Variants in C17orf100 observed in about 807,000 individuals in gnomAD.
C17orf100 encodes uncharacterized protein C17orf100.
In C17orf100, 1 loss-of-function variant was observed where a neutral mutation model predicts 0.7. The ratio of observed to expected loss-of-function variants is 1.50; its 90% CI spans 0.53 to 7.13. The LOEUF (loss-of-function observed/expected upper bound fraction) is 7.13, where lower values mean the gene tolerates loss of function less well. Among genes scored for constraint, C17orf100 ranks in the 30% most tolerant of loss-of-function variants. The probability of loss-of-function intolerance (pLI) is 0.14; values close to 1 mark genes in which losing one functional copy is unlikely to be tolerated. For synonymous variants in C17orf100, 87 were observed against 84.0 expected, an observed-to-expected ratio of 1.04 and a Z score of -0.20; for missense variants, 168 against 171.5, an observed-to-expected ratio of 0.98 and a Z score of 0.11.
chr17:6,652,021 G>A lies in C17orf100; in HGVS notation c.108G>A (p.Thr36=). 6.4e-7 allele frequency: 1 copy of A among 1,556,426 alleles called. No individual in the cohort carries two copies. The highest frequency in any genetic ancestry group is 1.2e-5 in the South Asian group (1 of 84,504). The change falls in exon 1 of 1, where the codon ACG becomes ACA. Residue 36 remains threonine (T), a synonymous_variant. Coordinates refer to ENST00000542475, the MANE Select transcript of C17orf100 (RefSeq NM_001105520.2). ...AGACCTCGTCCCACCGCGTGGAGAC[G>A]TCGTCCCGGCGGGTGGAGACCTCCC... is the stretch of plus-strand genomic sequence containing the variant. ...RVETSSHRVE[T]SSRRVETSQR... is the part of the protein sequence containing the mutation.
At position 6,651,937 on chromosome 17, in the gene C17orf100, G is replaced by A. The variant is rs566183978; in HGVS notation, c.24G>A (p.Lys8=). Reference sequence around the variant, plus strand: ...GAATGGCCTCAGCCCGAGGGGCCAAGCAGTCTTCGCCCCGGGTGGGGACCA... The same window carrying A: ...GAATGGCCTCAGCCCGAGGGGCCAAACAGTCTTCGCCCCGGGTGGGGACCA... MASARGA[K]QSSPRVGTTR... The change falls in exon 1 of 1, where the codon AAG becomes AAA. Residue 8 remains lysine, a synonymous_variant. Transcript: ENST00000542475. 9.2e-4 allele frequency: 1,384 copies of A among 1,507,806 alleles called. No homozygotes were observed. Among genetic ancestry groups the A allele is most frequent in the Admixed American group, 1.5e-3 (70 of 47,410 alleles). 93.4% of individuals were successfully genotyped at this position (1,507,806 alleles called of 1,614,324 possible).
chr17:6,652,156 C>G lies in C17orf100; in HGVS notation c.243C>G (p.Thr81=), dbSNP rs985219814. 2 of 1,601,210 alleles carry G rather than the reference C, an allele frequency of 1.2e-6. No individual in the cohort carries two copies. The highest frequency in any genetic ancestry group is 1.7e-6 in the Non-Finnish European group (2 of 1,178,730). Residue 81 remains threonine (T), a synonymous_variant, in exon 1 of 1, where the codon ACC becomes ACG. Transcript: ENST00000542475. ...VESSSQRTET[T]SRHVRASSLR... is the part of the protein sequence containing the mutation. ...CCTCCTCGCAGCGCACGGAAACGAC[C>G]TCCCGCCACGTCAGAGCCTCGTCCC...
chr17:6,652,034 G>C lies in C17orf100; in HGVS notation c.121G>C (p.Val41Leu). 6.4e-7 allele frequency: 1 copy of C among 1,556,232 alleles called. No individual in the cohort carries two copies. Among genetic ancestry groups the C allele is most frequent in the South Asian group, 1.2e-5 (1 of 84,660 alleles). ...SHRVETSSRR[V>L]ETSQRRSEGP... ...CCGCGTGGAGACGTCGTCCCGGCGG[G>C]TGGAGACCTCCCAGCGCCGCAGCGA... is the stretch of plus-strand genomic sequence containing the variant. Residue 41 changes from valine (V) to leucine (L), a missense_variant, in exon 1 of 1, where the codon GTG (valine) becomes CTG (leucine). Physicochemically the swap from Val to Leu is conservative, Grantham distance 32. Coordinates refer to ENST00000542475, the MANE Select transcript of C17orf100 (RefSeq NM_001105520.2).
At position 6,652,256 on chromosome 17, in the gene C17orf100, A is replaced by T. The variant is rs756274527; in HGVS notation, c.343A>T (p.Lys115Ter). The T allele has an allele frequency of 6.2e-7, 1 of 1,611,208 alleles. No homozygotes were observed. The highest frequency in any genetic ancestry group is 2.2e-5 in the East Asian group (1 of 44,872). Residue 115 changes from lysine (K) to a stop codon, truncating the protein, a stop_gained, in exon 1 of 1, where the codon AAA (lysine) becomes TAA (stop). Coordinates refer to ENST00000542475, the MANE Select transcript of C17orf100 (RefSeq NM_001105520.2). LOFTEE classifies it high-confidence loss of function. Reference sequence around the variant, plus strand: ...CAAGCCGGCCGCCCGCCAGAACGAAAAAACGGCCCGATGAGATGCTGCTTC... The same window carrying T: ...CAAGCCGGCCGCCCGCCAGAACGAATAAACGGCCCGATGAGATGCTGCTTC... ...RAKPAARQNE[K>*]TAR
rs571052314 is a variant in C17orf100 at position 6,651,946 on chromosome 17, G to A, written c.33G>A (p.Ser11=). The A allele has an allele frequency of 4.0e-4, 614 of 1,516,960 alleles. No individual in the cohort carries two copies. Among genetic ancestry groups the A allele is most frequent in the Admixed American group, 6.6e-4 (32 of 48,266 alleles). The allele number at this position is 1,516,960 out of a possible 1,614,324, so 94.0% of individuals were successfully genotyped here. A position where few individuals can be genotyped will look rare whatever the true frequency, so the allele number is the denominator to read the frequency against. Residue 11 remains serine, a synonymous_variant, in exon 1 of 1, where the codon TCG becomes TCA. Coordinates refer to ENST00000542475, the MANE Select transcript of C17orf100 (RefSeq NM_001105520.2). MASARGAKQS[S]PRVGTTRYTE... is the part of the protein sequence containing the mutation. ...CAGCCCGAGGGGCCAAGCAGTCTTC[G>A]CCCCGGGTGGGGACCACCCGCTACA... is the stretch of plus-strand genomic sequence containing the variant.
At position 6,651,918 on chromosome 17, in the gene C17orf100, C is replaced by G; in HGVS notation, c.5C>G (p.Ala2Gly). The G allele has an allele frequency of 6.7e-7, 1 of 1,486,724 alleles. No homozygotes were observed. Among genetic ancestry groups the G allele is most frequent in the Non-Finnish European group, 9.0e-7 (1 of 1,113,704 alleles). The allele number at this position is 1,486,724 out of a possible 1,614,324, so 92.1% of individuals were successfully genotyped here. A position where few individuals can be genotyped will look rare whatever the true frequency, so the allele number is the denominator to read the frequency against. Residue 2 changes from alanine (A) to glycine (G), a missense_variant, in exon 1 of 1, where the codon GCC becomes GGC. By Grantham distance (60) the Ala-to-Gly change is moderately conservative (BLOSUM62 0). Transcript: ENST00000542475. M[A>G]SARGAKQSSP... is the part of the protein sequence containing the mutation. Reference sequence around the variant, plus strand: ...TGGCCCCCTCACGCCGGCAGAATGGCCTCAGCCCGAGGGGCCAAGCAGTCT... The same window carrying G: ...TGGCCCCCTCACGCCGGCAGAATGGGCTCAGCCCGAGGGGCCAAGCAGTCT...
chr17:6,652,462 G>T lies in C17orf100; in HGVS notation c.*192G>T. 6.8e-7 allele frequency: 1 copy of T among 1,468,388 alleles called. No individual in the cohort carries two copies. Among genetic ancestry groups the T allele is most frequent in the Non-Finnish European group, 9.0e-7 (1 of 1,109,400 alleles). 91.0% of individuals were successfully genotyped at this position (1,468,388 alleles called of 1,614,324 possible). A position where few individuals can be genotyped will look rare whatever the true frequency, so the allele number is the denominator to read the frequency against. ...ACAGCCAACGTTTACTGACCGTCCT[G>T]CGTCTTGGACCAGCCTACTTTTGAC... On this transcript the variant is annotated 3_prime_UTR_variant, in exon 1 of 1. Coordinates refer to ENST00000542475, the MANE Select transcript of C17orf100 (RefSeq NM_001105520.2).
chr17:6,652,428 T>C lies in C17orf100; in HGVS notation c.*158T>C. 1 of 1,496,520 alleles carries C rather than the reference T, an allele frequency of 6.7e-7. No homozygotes were observed. Among genetic ancestry groups the C allele is most frequent in the Non-Finnish European group, 8.9e-7 (1 of 1,122,516 alleles). The allele number at this position is 1,496,520 out of a possible 1,614,324, so 92.7% of individuals were successfully genotyped here. Reference sequence around the variant, plus strand: ...AATGTAAGAAACAGCCAAGCCGCAGTTTCTGAACACAGCCAACGTTTACTG... The same window carrying C: ...AATGTAAGAAACAGCCAAGCCGCAGCTTCTGAACACAGCCAACGTTTACTG... On this transcript the variant is annotated 3_prime_UTR_variant, in exon 1 of 1. Coordinates refer to ENST00000542475, the MANE Select transcript of C17orf100 (RefSeq NM_001105520.2).
rs776491944 is a variant in C17orf100, at chr17:6,652,211, G to C, written c.298G>C (p.Glu100Gln). 5 of 1,606,552 alleles carry C rather than the reference G, an allele frequency of 3.1e-6. No individual in the cohort carries two copies. Among genetic ancestry groups the C allele is most frequent in the Middle Eastern group, 1.6e-4 (1 of 6,082 alleles). The stretch of plus-strand genomic sequence containing the variant: ...GGTGGAGACGTCTCTGCACTGCGCG[G>C]AGAGCCCGACCCCGCGGGCCAAGCC... ...LRVETSLHCA[E>Q]SPTPRAKPAA... Residue 100 changes from glutamate (E) to glutamine (Q), a missense_variant, in exon 1 of 1, where the codon GAG becomes CAG. By Grantham distance (29) the Glu-to-Gln change is conservative (BLOSUM62 2). Coordinates refer to ENST00000542475, the MANE Select transcript of C17orf100 (RefSeq NM_001105520.2).
rs746821778 is a variant in C17orf100 at position 6,652,188 on chromosome 17, T to C, written c.275T>C (p.Val92Ala). 1 of 1,605,376 alleles carries C rather than the reference T, an allele frequency of 6.2e-7. No individual in the cohort carries two copies. Among genetic ancestry groups the C allele is most frequent in the Non-Finnish European group, 8.5e-7 (1 of 1,179,584 alleles). ...SRHVRASSLR[V>A]ETSLHCAESP... Reference sequence around the variant, plus strand: ...CACGTCAGAGCCTCGTCCCTGAGGGTGGAGACGTCTCTGCACTGCGCGGAG... The same window carrying C: ...CACGTCAGAGCCTCGTCCCTGAGGGCGGAGACGTCTCTGCACTGCGCGGAG... The change falls in exon 1 of 1, where the codon GTG becomes GCG. Residue 92 changes from valine to alanine, a missense_variant. Coordinates refer to ENST00000542475, the MANE Select transcript of C17orf100 (RefSeq NM_001105520.2).
Position 6,651,965 on chromosome 17 carries a change from C to CG in C17orf100, c.53dup (p.Tyr19LeufsTer156). ...GTCTTCGCCCCGGGTGGGGACCACC[C>CG]GCTACACAGAGACGTCCACGGTCCG... On this transcript the variant is annotated frameshift_variant, in exon 1 of 1. Transcript: ENST00000542475. LOFTEE classifies it low-confidence loss of function (END_TRUNC). 5 of 1,540,146 alleles carry CG rather than the reference C, an allele frequency of 3.2e-6. No homozygotes were observed. Among genetic ancestry groups the CG allele is most frequent in the Non-Finnish European group, 4.4e-6 (5 of 1,140,136 alleles).
At position 6,651,874 on chromosome 17, in the gene C17orf100, G is replaced by C; in HGVS notation, c.-40G>C. ...TGCCTGCGGTGACCATTGGGCTGTA[G>C]GGTGCCCCGAGGCCTCCCTGGCCCC... On this transcript the variant is annotated 5_prime_UTR_variant, in exon 1 of 1. Coordinates refer to ENST00000542475, the MANE Select transcript of C17orf100 (RefSeq NM_001105520.2). 1 of 1,457,452 alleles carries C rather than the reference G, an allele frequency of 6.9e-7. No individual in the cohort carries two copies. Among genetic ancestry groups the C allele is most frequent in the Non-Finnish European group, 9.1e-7 (1 of 1,104,260 alleles). 90.3% of individuals were successfully genotyped at this position (1,457,452 alleles called of 1,614,324 possible). A position where few individuals can be genotyped will look rare whatever the true frequency, so the allele number is the denominator to read the frequency against.
chr17:6,653,305 T>C lies in C17orf100; in HGVS notation c.*1035T>C, dbSNP rs1342335011. 6.0e-6 allele frequency: 1 copy of C among 166,646 alleles called. No individual in the cohort carries two copies. Among genetic ancestry groups the C allele is most frequent in the African/African-American group, 2.4e-5 (1 of 41,434 alleles). The allele number at this position is 166,646 out of a possible 1,614,324, so 10.3% of individuals were successfully genotyped here. A position where few individuals can be genotyped will look rare whatever the true frequency, so the allele number is the denominator to read the frequency against. On this transcript the variant is annotated 3_prime_UTR_variant, in exon 1 of 1. Coordinates refer to ENST00000542475, the MANE Select transcript of C17orf100 (RefSeq NM_001105520.2). ...AAATCATAAGTCAAACCATCTTAAG[T>C]TGGGAACTGTCTGTATTCTGGGAAC...
Position 6,652,237 on chromosome 17 carries a change from G to A in C17orf100, c.324G>A (p.Pro108=). The part of the protein sequence containing the change: ...CAESPTPRAK[P]AARQNEKTAR ...AGAGCCCGACCCCGCGGGCCAAGCCGGCCGCCCGCCAGAACGAAAAAACGG... is the reference window on the plus strand; with the variant it reads ...AGAGCCCGACCCCGCGGGCCAAGCCAGCCGCCCGCCAGAACGAAAAAACGG... Residue 108 remains proline (P), a synonymous_variant, in exon 1 of 1, where the codon CCG becomes CCA. Coordinates refer to ENST00000542475, the MANE Select transcript of C17orf100 (RefSeq NM_001105520.2). The A allele has an allele frequency of 1.9e-6, 3 of 1,608,830 alleles. No homozygotes were observed. The highest frequency in any genetic ancestry group is 2.5e-6 in the Non-Finnish European group (3 of 1,179,758).
Position 6,652,265 on chromosome 17 carries a change from CG to C in C17orf100, c.353del (p.Arg118HisfsTer48). On this transcript the variant is annotated frameshift_variant, in exon 1 of 1. Transcript: ENST00000542475. LOFTEE classifies it high-confidence loss of function. The stretch of plus-strand genomic sequence containing the variant: ...CGCCCGCCAGAACGAAAAAACGGCC[CG>C]ATGAGATGCTGCTTCCCAAAGGCCA... ...PAARQNEKTA[R>X] 6.2e-7 allele frequency: 1 copy of C among 1,611,664 alleles called. No individual in the cohort carries two copies.
At position 6,652,772 on chromosome 17, in the gene C17orf100, A is replaced by T. The variant is rs1354883330; in HGVS notation, c.*502A>T. On this transcript the variant is annotated 3_prime_UTR_variant, in exon 1 of 1. Transcript: ENST00000542475. Reference sequence around the variant, plus strand: ...TTCAAAGTAAATGGTCGTTTTCTTTATGCTAAGTCTTTGTACCTGGCACCC... The same window carrying T: ...TTCAAAGTAAATGGTCGTTTTCTTTTTGCTAAGTCTTTGTACCTGGCACCC... 1 of 174,882 alleles carries T rather than the reference A, an allele frequency of 5.7e-6. No homozygotes were observed. Among genetic ancestry groups the T allele is most frequent in the African/African-American group, 2.4e-5 (1 of 41,522 alleles). 10.8% of individuals were successfully genotyped at this position (174,882 alleles called of 1,614,324 possible). A position where few individuals can be genotyped will look rare whatever the true frequency, so the allele number is the denominator to read the frequency against.
Position 6,652,566 on chromosome 17 carries a change from A to G in C17orf100, c.*296A>G. ...GCTGTCTAAATCGGGTTGATGGACA[A>G]AGAGAGGCTGTTTGAGCCTCTGAGC... On this transcript the variant is annotated 3_prime_UTR_variant, in exon 1 of 1. Transcript: ENST00000542475. The G allele has an allele frequency of 8.1e-7, 1 of 1,229,084 alleles. No individual in the cohort carries two copies. The highest frequency in any genetic ancestry group is 1.7e-5 in the South Asian group (1 of 59,352). The allele number at this position is 1,229,084 out of a possible 1,614,324, so 76.1% of individuals were successfully genotyped here.
rs1972849352 is a variant in C17orf100, at chr17:6,652,185, G to C, written c.272G>C (p.Arg91Thr). The C allele has an allele frequency of 6.2e-7, 1 of 1,605,382 alleles. No individual in the cohort carries two copies. The highest frequency in any genetic ancestry group is 1.7e-5 in the Admixed American group (1 of 59,932). The change falls in exon 1 of 1, where the codon AGG becomes ACG. Residue 91 changes from arginine to threonine, a missense_variant. Coordinates refer to ENST00000542475, the MANE Select transcript of C17orf100 (RefSeq NM_001105520.2). ...TSRHVRASSL[R>T]VETSLHCAES... Reference sequence around the variant, plus strand: ...CGCCACGTCAGAGCCTCGTCCCTGAGGGTGGAGACGTCTCTGCACTGCGCG... The same window carrying C: ...CGCCACGTCAGAGCCTCGTCCCTGACGGTGGAGACGTCTCTGCACTGCGCG...
Position 6,652,484 on chromosome 17 carries a change from T to G in C17orf100, c.*214T>G. ...CCTGCGTCTTGGACCAGCCTACTTT[T>G]GACCCAGTGAACTATTTTCACTTGA... is the stretch of plus-strand genomic sequence containing the variant. On this transcript the variant is annotated 3_prime_UTR_variant, in exon 1 of 1. Coordinates refer to ENST00000542475, the MANE Select transcript of C17orf100 (RefSeq NM_001105520.2). 6.9e-7 allele frequency: 1 copy of G among 1,451,476 alleles called. No individual in the cohort carries two copies. 89.9% of individuals were successfully genotyped at this position (1,451,476 alleles called of 1,614,324 possible). A position where few individuals can be genotyped will look rare whatever the true frequency, so the allele number is the denominator to read the frequency against.
Sources: gnomAD v4.1 joint callset for allele counts on GRCh38, gnomAD v4.1.1 for gene constraint, MANE v1.5 for transcripts, NCBI Gene and HGNC (gene_info 2026-07-23, HGNC 2026-07-21) for gene names.